The following SEMA3A variants were observed in gnomAD, a reference collection of about 807,000 sequenced individuals.
SEMA3A encodes semaphorin-3A.
In SEMA3A, 29 loss-of-function variants were observed where a neutral mutation model predicts 97.9. The ratio of observed to expected loss-of-function variants is 0.30; its 90% CI spans 0.22 to 0.40. SEMA3A has a LOEUF of 0.40. Among genes scored for constraint, SEMA3A ranks in the 10% least tolerant of loss-of-function variants. The pLI is 1.00. For missense variants in SEMA3A, 763 were observed against 951.3 expected (o/e 0.80, Z 2.60); for synonymous variants, 321 against 323.7 (o/e 0.99, Z 0.09).
intron 3 of SEMA3A, among the ~76,000 whole-genome samples, chr7:84,255,341 T>C (rs117535717): frequency 6.6e-6 from 1 of 152,094 alleles, no homozygotes; most frequent in Non-Finnish European, 1.5e-5. Flanking sequence ...AACTGAAACA[T>C]AAATAATTGA....
At chr7:84,228,503 A>G (rs2116350661) in intron 3 of SEMA3A, among the ~76,000 whole-genome samples, 1 of 152,236 alleles carries the variant, frequency 6.6e-6, no homozygotes, top group East Asian at 1.9e-4. Flanking sequence ...CCACAAAATG[A>G]TTAACAGCAA....
At chr7:83,996,300 C>CTTTTTTTTT (rs35148121) in intron 12 of SEMA3A, among the ~76,000 whole-genome samples, 1 of 111,980 alleles carries the variant, frequency 8.9e-6, no homozygotes, top group African/African-American at 3.3e-5. Context: ...TACTAGTAAT[C>CTTTTTTTTT]TTTTTTTTTT....
intron 1 of SEMA3A, among the ~76,000 whole-genome samples, chr7:84,147,410 C>T (rs981110901): frequency 6.6e-6 from 1 of 152,182 alleles, no homozygotes; most frequent in Non-Finnish European, 1.5e-5. Context: ...TTGACAAAAA[C>T]TGATCTGTAT....
chr7:84,097,729 A>G (rs1007341527), intron 4 of SEMA3A, among the ~76,000 whole-genome samples: 3 of 152,190 alleles, frequency 2.0e-5, no homozygotes, highest in Non-Finnish European at 4.4e-5. Context: ...GTATTTGGGT[A>G]GTATTACCAA....
intron 1 of SEMA3A, among the ~76,000 whole-genome samples, chr7:84,193,671 A>G (rs1798119872): frequency 6.6e-6 from 1 of 152,102 alleles, no homozygotes; most frequent in Admixed American, 6.6e-5. Flanking sequence ...ATGTGGAACA[A>G]ACATAAAAAA....
chr7:84,198,945 A>G (rs1403382479), upstream of SEMA3A, among the ~76,000 whole-genome samples: 1 of 152,186 alleles, frequency 6.6e-6, no homozygotes, highest in African/African-American at 2.4e-5. Flanking sequence ...TACGTATTAA[A>G]GTATTTACAC....
At chr7:84,072,703 A>C (rs988973269) in intron 4 of SEMA3A, among the ~76,000 whole-genome samples, 4 of 152,148 alleles carry the variant, frequency 2.6e-5, no homozygotes, top group Admixed American at 6.6e-5. Context: ...TGTGAATCTC[A>C]AGGAGTATAC....
intron 3 of SEMA3A, among the ~76,000 whole-genome samples, chr7:84,227,704 T>C (rs1799021413): frequency 6.6e-6 from 1 of 152,082 alleles, no homozygotes; most frequent in Non-Finnish European, 1.5e-5. Context: ...TTCTTTACTA[T>C]GTAGGACCAC....
chr7:83,962,711 C>G (rs1788519126), intron 16 of SEMA3A, among the ~76,000 whole-genome samples: 1 of 152,118 alleles, frequency 6.6e-6, no homozygotes, highest in Admixed American at 6.6e-5. Flanking sequence ...CCTCATCCTG[C>G]ATCAATAGTT....
intron 6 of SEMA3A, among the ~76,000 whole-genome samples, chr7:84,033,764 T>C (rs1377191108): frequency 6.6e-6 from 1 of 152,110 alleles, no homozygotes; most frequent in Admixed American, 6.6e-5. Context: ...TCTTGATAGG[T>C]ACAGATTCTC....
rs1466752712 is a variant in SEMA3A at position 84,114,526 on chromosome 7, G to C, written c.334-3937C>G. On this transcript the variant is annotated intron_variant, in intron 3 of 16. Coordinates refer to ENST00000265362, the MANE Select transcript of SEMA3A (RefSeq NM_006080.3). ...TTTTGGTGCATAATCTAGCAGCTGG[G>C]AAAGCAAAGGAAACCTTTTCCTATC... Among the ~76,000 whole-genome samples, 4 of 152,110 alleles carry C rather than the reference G, an allele frequency of 2.6e-5. No individual in the cohort carries two copies. The East Asian group carries it at 5.8e-4, about 22-fold the overall frequency.
chr7:84,154,810 G>T (rs574411118), intron 1 of SEMA3A, among the ~76,000 whole-genome samples: 122 of 151,308 alleles, frequency 8.1e-4, no homozygotes, highest in African/African-American at 2.8e-3. Context: ...TGGTTTCCTA[G>T]AATTTCAGTC....
At chr7:84,091,143 G>GAAAGAAAGAAAGAAAGA (rs1794563157) in intron 4 of SEMA3A, among the ~76,000 whole-genome samples, 1 of 20,150 alleles carries the variant, frequency 5.0e-5, no homozygotes, top group Non-Finnish European at 9.8e-5. Flanking sequence ...AAAGAAGGAA[G>GAAAGAAAGAAAGAAAGA]GAAGGAAGGA....
At chr7:84,290,538 C>A (rs577054174) in intron 3 of SEMA3A, among the ~76,000 whole-genome samples, 84 of 152,078 alleles carry the variant, frequency 5.5e-4, no homozygotes, top group African/African-American at 1.7e-3. Flanking sequence ...CTTCCTTTCA[C>A]GTGACAGCCT....
At chr7:84,044,648 T>C (rs73187445) in intron 6 of SEMA3A, among the ~76,000 whole-genome samples, 7,308 of 152,048 alleles carry the variant, frequency 0.048, 284 homozygotes, top group East Asian at 0.19. Flanking sequence ...GGAGGAATAA[T>C]TTCATGGAAG....
At chr7:84,457,549 C>T (rs1805715306) in intron 1 of SEMA3A, among the ~76,000 whole-genome samples, 1 of 151,550 alleles carries the variant, frequency 6.6e-6, no homozygotes, top group South Asian at 2.1e-4. Flanking sequence ...ATGTTTTGGC[C>T]CAGTGAATCC....
intron 1 of SEMA3A, among the ~76,000 whole-genome samples, chr7:84,173,635 T>C (rs9642175): frequency 0.67 from 101,649 of 150,842 alleles, 34,406 homozygotes; most frequent in East Asian, 0.76. Context: ...GATTAGAAAC[T>C]GAATACATTT....
At chr7:83,987,801 T>C (rs375427118) in intron 12 of SEMA3A, among the ~76,000 whole-genome samples, 25 of 152,306 alleles carry the variant, frequency 1.6e-4, no homozygotes, top group Middle Eastern at 3.4e-3. Context: ...CTTTGTTTCT[T>C]ATAGCTTAGC....
At chr7:84,002,225 C>T (rs1416477734) in intron 11 of SEMA3A, among the ~76,000 whole-genome samples, 179 bp from the exon 12 acceptor site, 1 of 151,996 alleles carries the variant, frequency 6.6e-6, no homozygotes, top group Non-Finnish European at 1.5e-5. Context: ...TGCAATTAGA[C>T]AAAGTGTAAA....
Sources: allele counts gnomAD v4.1 joint callset (sites outside exome capture counted in the v4.1 genomes callset), GRCh38; gene constraint gnomAD v4.1.1; transcripts MANE v1.5; gene names NCBI Gene and HGNC (gene_info 2026-07-23, HGNC 2026-07-21).